Variants in GABRG3 observed in about 807,000 individuals in gnomAD.
GABRG3 encodes the protein gamma-aminobutyric acid type A receptor subunit gamma3, also known as gamma-aminobutyric acid receptor subunit gamma-3.
Under a neutral mutation model 48.8 loss-of-function variants are expected in GABRG3, and 25 were observed. The ratio of observed to expected loss-of-function variants is 0.51; its 90% CI spans 0.37 to 0.72. The LOEUF is 0.72. GABRG3 is among the 30% of genes least tolerant of loss of function. The pLI is 0.00. For synonymous variants in GABRG3, 227 were observed against 217.6 expected (o/e 1.04, Z -0.38); for missense variants, 394 against 577.9 (o/e 0.68, Z 3.26).
chr15:27,110,375 C>T (rs1897526751), intron 3 of GABRG3, among the ~76,000 whole-genome samples: 1 of 151,990 alleles, frequency 6.6e-6, no homozygotes, highest in Non-Finnish European at 1.5e-5. Context: ...TACATTGTTA[C>T]TGTTATTGCT....
intron 6 of GABRG3, among the ~76,000 whole-genome samples, chr15:27,501,480 G>C (rs1890638263): frequency 6.6e-6 from 1 of 152,104 alleles, no homozygotes; most frequent in Admixed American, 6.5e-5. Flanking sequence ...TCACCTCAGA[G>C]ATGTTTTAAG....
chr15:27,440,576 A>G (rs746909678), intron 5 of GABRG3, among the ~76,000 whole-genome samples: 10 of 152,154 alleles, frequency 6.6e-5, no homozygotes, highest in Non-Finnish European at 1.2e-4. Context: ...CTTTGTTCCT[A>G]TAACAGCTAA....
Position 27,504,031 on chromosome 15 carries a change from A to G in GABRG3, c.713-15941A>G, listed in dbSNP as rs537188966. On this transcript the variant is annotated intron_variant, in intron 6 of 9. Coordinates refer to ENST00000615808, the MANE Select transcript of GABRG3 (RefSeq NM_033223.5). ...ATTACCACAGTAAAACTTTTATTTA[A>G]TCCTTTTACTTTTAATCTATTATTG... Among the ~76,000 whole-genome samples, 63 of 152,122 alleles carry G rather than the reference A, an allele frequency of 4.1e-4. 1 individual carries two copies. The South Asian group carries it at 0.013, about 31-fold the overall frequency.
intron 3 of GABRG3, among the ~76,000 whole-genome samples, chr15:27,076,005 G>C (rs143963457): frequency 6.6e-6 from 1 of 152,170 alleles, no homozygotes; most frequent in Admixed American, 6.5e-5. Context: ...CTGTGTCCCC[G>C]CGCTGAGGGT....
intron 5 of GABRG3, among the ~76,000 whole-genome samples, chr15:27,346,802 GCT>G (rs1894390481): frequency 6.6e-6 from 1 of 151,916 alleles, no homozygotes; most frequent in African/African-American, 2.4e-5. Context: ...CTTGTTTCCA[GCT>G]CTCTGTTTAC....
At chr15:27,263,572 T>C (rs1890826838) in intron 3 of GABRG3, among the ~76,000 whole-genome samples, 1 of 152,198 alleles carries the variant, frequency 6.6e-6, no homozygotes, top group African/African-American at 2.4e-5. Flanking sequence ...CTTTGTTTTC[T>C]TTCCATCTAT....
chr15:27,257,462 T>C (rs1890655614), intron 3 of GABRG3, among the ~76,000 whole-genome samples: 1 of 151,974 alleles, frequency 6.6e-6, no homozygotes, highest in South Asian at 2.1e-4. Flanking sequence ...CAGACCAATG[T>C]CATGGAGCTT....
At chr15:27,468,485 C>T (rs916528403) in intron 5 of GABRG3, among the ~76,000 whole-genome samples, 4 of 152,086 alleles carry the variant, frequency 2.6e-5, no homozygotes, top group African/African-American at 7.2e-5. Context: ...AATTCAGTGC[C>T]GTGTTGGATC....
intron 6 of GABRG3, among the ~76,000 whole-genome samples, chr15:27,517,190 G>T (rs963528301): frequency 1.3e-5 from 2 of 151,350 alleles, no homozygotes. Flanking sequence ...CTTTGTCTGA[G>T]GCTGCCTCCT....
intron 5 of GABRG3, among the ~76,000 whole-genome samples, chr15:27,468,617 A>G (rs1889689471): frequency 6.6e-6 from 1 of 152,100 alleles, no homozygotes. Context: ...TGGATTTTCT[A>G]TTCTCTTGTG....
rs1891472754 is a variant in GABRG3, at chr15:27,533,231, GCT to G, written c.*356_*357del. On this transcript the variant is annotated 3_prime_UTR_variant, in exon 10 of 10. Coordinates refer to ENST00000615808, the MANE Select transcript of GABRG3 (RefSeq NM_033223.5). ...AAATGTGCACGTGAATGTCTGAGAT[GCT>G]CTCTCAGGCCTCTAGTCCTTCTGTA... 3.9e-6 allele frequency: 1 copy of G among 257,360 alleles called. No individual in the cohort carries two copies. Among genetic ancestry groups the G allele is most frequent in the Non-Finnish European group, 7.5e-6 (1 of 132,898 alleles). The allele number at this position is 257,360 out of a possible 1,614,324, so 15.9% of individuals were successfully genotyped here. A position where few individuals can be genotyped will look rare whatever the true frequency, so the allele number is the denominator to read the frequency against.
intron 3 of GABRG3, among the ~76,000 whole-genome samples, chr15:27,101,293 A>G (rs1312706622): frequency 6.6e-6 from 1 of 152,224 alleles, no homozygotes; most frequent in Non-Finnish European, 1.5e-5. Context: ...TATAAAATGC[A>G]AATGAAAGAA....
At position 27,180,902 on chromosome 15, in the gene GABRG3, T is replaced by C. The variant is rs1010264305; in HGVS notation, c.271-145907T>C. ...GACTAACCAATCTAACACAGGATTA[T>C]CGTTCCAGTTTAGTATTTTAGGGTT... On this transcript the variant is annotated intron_variant, in intron 3 of 9. Transcript: ENST00000615808. This position sits in a 1 kb window ranked among gnomAD's most constrained non-coding sequence, Gnocchi z 4.2. Among the ~76,000 whole-genome samples, 1 of 152,144 alleles carries C rather than the reference T, an allele frequency of 6.6e-6. No individual in the cohort carries two copies. Among genetic ancestry groups the C allele is most frequent in the Non-Finnish European group, 1.5e-5 (1 of 68,022 alleles).
In GABRG3 at chr15:27,533,317, G is replaced by T. The variant is rs1481417544; in HGVS notation, c.*436G>T. ...CAGGAGTGTTGAATCACCCCTGGCCGAGACCCACTCCTGCTGGCTCAGCCT... is the reference window on the plus strand; with the variant it reads ...CAGGAGTGTTGAATCACCCCTGGCCTAGACCCACTCCTGCTGGCTCAGCCT... On this transcript the variant is annotated 3_prime_UTR_variant, in exon 10 of 10. Transcript: ENST00000615808. 6.0e-6 allele frequency: 1 copy of T among 167,778 alleles called. No individual in the cohort carries two copies. Among genetic ancestry groups the T allele is most frequent in the African/African-American group, 2.4e-5 (1 of 41,574 alleles). 10.4% of individuals were successfully genotyped at this position (167,778 alleles called of 1,614,324 possible). A position where few individuals can be genotyped will look rare whatever the true frequency, so the allele number is the denominator to read the frequency against.
chr15:27,201,806 G>A (rs1409686060), intron 3 of GABRG3, among the ~76,000 whole-genome samples: 2 of 152,082 alleles, frequency 1.3e-5, no homozygotes, highest in Non-Finnish European at 2.9e-5. Context: ...TTTAGATACA[G>A]ATAAAAATGC....
At chr15:27,050,330 G>T (rs912202810) in intron 3 of GABRG3, among the ~76,000 whole-genome samples, 18 of 152,100 alleles carry the variant, frequency 1.2e-4, no homozygotes, top group Admixed American at 2.6e-4. Flanking sequence ...GGGCCCCCTG[G>T]TGACCCCAAA....
intron 3 of GABRG3, among the ~76,000 whole-genome samples, chr15:27,245,797 T>C (rs560826311): frequency 6.6e-6 from 1 of 152,218 alleles, no homozygotes; most frequent in South Asian, 2.1e-4. Flanking sequence ...CGCTTGAACC[T>C]GGGAGGCGGA....
At chr15:27,000,609 G>A (rs553016125) in intron 2 of GABRG3, among the ~76,000 whole-genome samples, 1 of 152,060 alleles carries the variant, frequency 6.6e-6, no homozygotes, top group Non-Finnish European at 1.5e-5. Flanking sequence ...CATGTGATCC[G>A]GTTGTTTACC....
Position 27,018,020 on chromosome 15 carries a change from A to G in GABRG3, c.203-8734A>G, listed in dbSNP as rs140440732. 2.7e-3 allele frequency among the ~76,000 whole-genome samples: 417 copies of G among 152,336 alleles called. 2 individuals are homozygous for G. The highest frequency in any genetic ancestry group is 9.1e-3 in the African/African-American group (377 of 41,568). Reference sequence around the variant, plus strand: ...GCTCTGCTGGTCAGTGCAGTTCTGCATTCCCTGCCAGATGGTGGAAGGGAG... The same window carrying G: ...GCTCTGCTGGTCAGTGCAGTTCTGCGTTCCCTGCCAGATGGTGGAAGGGAG... On this transcript the variant is annotated intron_variant, in intron 2 of 9. Transcript: ENST00000615808.
Sources: gnomAD v4.1 joint callset for allele counts (sites outside exome capture counted in the v4.1 genomes callset) on GRCh38, gnomAD v4.1.1 for gene constraint, Gnocchi (gnomAD v3.1) non-coding constraint, MANE v1.5 for transcripts, NCBI Gene and HGNC (gene_info 2026-07-23, HGNC 2026-07-21) for gene names.